The following TUT4 variants were observed in gnomAD, a reference collection of about 807,000 sequenced individuals.
TUT4 encodes terminal uridylyl transferase 4.
In TUT4, 36 loss-of-function variants were observed where a neutral mutation model predicts 192.2. The ratio of observed to expected loss-of-function variants is 0.19; its 90% CI spans 0.14 to 0.25. The LOEUF is 0.25. TUT4 is among the 10% of genes least tolerant of loss of function. The pLI is 1.00. For synonymous variants in TUT4, 618 were observed against 666.0 expected (o/e 0.93, Z 1.11); for missense variants, 1,493 against 1,957.2 (o/e 0.76, Z 4.47).
At chr1:52,491,711 AAC>A (rs1041680857) in intron 7 of TUT4, among the ~76,000 whole-genome samples, 2 of 152,044 alleles carry the variant, frequency 1.3e-5, no homozygotes, top group African/African-American at 4.8e-5. Flanking sequence ...AAATAACAAC[AAC>A]AAAAAAAAAC....
At chr1:52,470,506 T>C (rs1665446738) in intron 14 of TUT4, among the ~76,000 whole-genome samples, 1 of 152,116 alleles carries the variant, frequency 6.6e-6, no homozygotes, top group Non-Finnish European at 1.5e-5. Flanking sequence ...GACAAATATT[T>C]ATCAACAGGT....
At chr1:52,527,222 G>T (rs143386852) in intron 1 of TUT4, among the ~76,000 whole-genome samples, 1 of 152,040 alleles carries the variant, frequency 6.6e-6, no homozygotes, top group Non-Finnish European at 1.5e-5. Context: ...AAGTAAAAAC[G>T]GGTTCAAATG....
chr1:52,551,197 A>G (rs1008002764), intron 1 of TUT4, among the ~76,000 whole-genome samples: 2 of 152,206 alleles, frequency 1.3e-5, no homozygotes, highest in Non-Finnish European at 2.9e-5. Context: ...ATATTTGTTA[A>G]TTTATCTGTA....
Position 52,431,061 on chromosome 1 carries a change from T to G in TUT4, c.4663A>C (p.Thr1555Pro). 6.2e-7 allele frequency: 1 copy of G among 1,612,278 alleles called. No individual in the cohort carries two copies. The highest frequency in any genetic ancestry group is 8.5e-7 in the Non-Finnish European group (1 of 1,178,654). ...NTSHDGHWPR[T>P]VAPNSLVNSG... ...TTTACCAGGGAATTTGGAGCCACAG[T>G]ACGGGGCCAGTGTCCATCGTGAGAC... The change falls in exon 28 of 30, where the codon ACT (threonine) becomes CCT (proline). Residue 1555 changes from threonine (T) to proline (P), a missense_variant. By Grantham distance (38) the Thr-to-Pro change is conservative. This residue lies in a region of TUT4 where 351 missense variants were observed against 397.8 expected (regional missense o/e 0.88). Transcript: ENST00000257177.
intron 15 of TUT4, among the ~76,000 whole-genome samples, chr1:52,465,554 A>C (rs1663868107): frequency 6.6e-6 from 1 of 152,256 alleles, no homozygotes; most frequent in Admixed American, 6.5e-5. Context: ...GTCCACATCC[A>C]AACAATCATT....
rs1651987820 is a variant in TUT4 at position 52,431,296 on chromosome 1, G to A, written c.4428C>T (p.Asn1476=). 1 of 1,614,068 alleles carries A rather than the reference G, an allele frequency of 6.2e-7. No homozygotes were observed. The highest frequency in any genetic ancestry group is 1.1e-5 in the South Asian group (1 of 91,086). ...PPHQVQMPLY[N]FPQSPPAQYS... ...ACTGAGCTGGTGGTGACTGGGGAAA[G>A]TTATACAGTGGCATCTGGACCTGAT... The change falls in exon 28 of 30, where the codon AAC becomes AAT. Residue 1476 remains asparagine, a synonymous_variant. Transcript: ENST00000257177.
chr1:52,503,742 T>C (rs1297631103), intron 4 of TUT4, among the ~76,000 whole-genome samples: 1 of 152,190 alleles, frequency 6.6e-6, no homozygotes, highest in East Asian at 1.9e-4. Context: ...TTTTTATCTA[T>C]ATTATCACAT....
chr1:52,528,329 A>C (rs1489114545), intron 1 of TUT4, among the ~76,000 whole-genome samples: 1 of 152,010 alleles, frequency 6.6e-6, no homozygotes, highest in Non-Finnish European at 1.5e-5. Flanking sequence ...CATCTTTACA[A>C]AGAAAACAAA....
intron 4 of TUT4, among the ~76,000 whole-genome samples, chr1:52,501,155 C>CA (rs1193264751): frequency 2.0e-5 from 3 of 152,082 alleles, no homozygotes; most frequent in Admixed American, 2.0e-4. Flanking sequence ...ACACTACTGA[C>CA]AGAGTAAAAA....
In TUT4 at chr1:52,474,823, G is replaced by A. The variant is rs1362672598; in HGVS notation, c.2727+9C>T. On this transcript the variant is annotated intron_variant, in intron 13 of 29. Transcript: ENST00000257177. ...AAATCTTACAGATCATTTACAAACT[G>A]TATCCTACCTTGCCAGAGGTTAAAA... The A allele has an allele frequency of 1.9e-6, 3 of 1,577,686 alleles. No homozygotes were observed. The Admixed American group carries it at 5.3e-5, about 28-fold the overall frequency.
chr1:52,525,753 T>C lies in TUT4; in HGVS notation c.528A>G (p.Glu176=). 6.2e-7 allele frequency: 1 copy of C among 1,614,200 alleles called. No homozygotes were observed. The highest frequency in any genetic ancestry group is 8.5e-7 in the Non-Finnish European group (1 of 1,180,028). The part of the protein sequence containing the change: ...LLLKDMRQKT[E]LQQIGKKIPS... Reference sequence around the variant, plus strand: ...GAATTTTTTTTCCAATCTGTTGTAATTCTGTCTTCTGTCTCATGTCTTTCA... The same window carrying C: ...GAATTTTTTTTCCAATCTGTTGTAACTCTGTCTTCTGTCTCATGTCTTTCA... The change falls in exon 2 of 30, where the codon GAA becomes GAG. Residue 176 remains glutamate (E), a synonymous_variant. Transcript: ENST00000257177.
chr1:52,483,948 A>G (rs2148997127), intron 9 of TUT4, among the ~76,000 whole-genome samples: 1 of 152,316 alleles, frequency 6.6e-6, no homozygotes, highest in South Asian at 2.1e-4. Context: ...GTTTGAGTCC[A>G]GCCCAGACAA....
At chr1:52,478,627 T>C (rs745486542) in intron 11 of TUT4, among the ~76,000 whole-genome samples, 8 of 152,182 alleles carry the variant, frequency 5.3e-5, no homozygotes, top group Non-Finnish European at 7.4e-5. Flanking sequence ...TCCTACTTCA[T>C]AGACTATTAG....
At chr1:52,512,208 CCTGATT>C (rs1237715945) in intron 3 of TUT4, among the ~76,000 whole-genome samples, 2 of 152,152 alleles carry the variant, frequency 1.3e-5, no homozygotes, top group Admixed American at 1.3e-4. Context: ...ATCACTACAG[CCTGATT>C]CTATCTCCTT....
chr1:52,439,436 G>T (rs1264884733), intron 24 of TUT4, among the ~76,000 whole-genome samples: 4 of 152,190 alleles, frequency 2.6e-5, no homozygotes, highest in Non-Finnish European at 4.4e-5. Context: ...CTTTATCTTT[G>T]CACCTTGCTT....
In TUT4 at chr1:52,435,776, G is replaced by A. The variant is rs573091640; in HGVS notation, c.4163-311C>T. ...GAAATACTTTCTGGTTGGGTGCAGT[G>A]GCTCATATCTGTAATCCTAGTATTC... On this transcript the variant is annotated intron_variant, in intron 26 of 29. Coordinates refer to ENST00000257177, the MANE Select transcript of TUT4 (RefSeq NM_001009881.3). Among the ~76,000 whole-genome samples, 3 of 152,286 alleles carry A rather than the reference G, an allele frequency of 2.0e-5. No homozygotes were observed. In the South Asian group the frequency reaches 6.2e-4, roughly 32 times the overall value.
chr1:52,443,762 C>CA (rs930347598), intron 24 of TUT4, among the ~76,000 whole-genome samples: 3 of 150,910 alleles, frequency 2.0e-5, no homozygotes, highest in Non-Finnish European at 4.4e-5. Context: ...GACCCTGTAT[C>CA]AAAAAAACAA....
chr1:52,491,019 C>T (rs1671019464), intron 7 of TUT4, among the ~76,000 whole-genome samples: 1 of 152,046 alleles, frequency 6.6e-6, no homozygotes, highest in Non-Finnish European at 1.5e-5. Flanking sequence ...CAAATACTGT[C>T]CAAAAATTAT....
At position 52,425,582 on chromosome 1, in the gene TUT4, A is replaced by G; in HGVS notation, c.4712-75T>C. On this transcript the variant is annotated intron_variant, in intron 28 of 29. Coordinates refer to ENST00000257177, the MANE Select transcript of TUT4 (RefSeq NM_001009881.3). ...ATTGAAATATCCCTTCATTCCACAA[A>G]GATATATTCAGTACCTACCATTGGC... The G allele has an allele frequency of 2.0e-6, 3 of 1,478,214 alleles. No individual in the cohort carries two copies. In the South Asian group the frequency reaches 4.1e-5, roughly 20 times the overall value. The allele number at this position is 1,478,214 out of a possible 1,614,324, so 91.6% of individuals were successfully genotyped here.
Sources: allele counts gnomAD v4.1 joint callset (sites outside exome capture counted in the v4.1 genomes callset), GRCh38; gene constraint gnomAD v4.1.1; regional missense constraint gnomAD v4.1.1; transcripts MANE v1.5; gene names NCBI Gene and HGNC (gene_info 2026-07-23, HGNC 2026-07-21).